Variants in PDE1A observed in about 807,000 individuals in gnomAD.
PDE1A encodes phosphodiesterase 1A.
Under a neutral mutation model 61.7 loss-of-function variants are expected in PDE1A, and 35 were observed. The ratio of observed to expected loss-of-function variants is 0.57; its 90% CI spans 0.43 to 0.75. The LOEUF is 0.75. Among genes scored for constraint, PDE1A ranks in the 30% least tolerant of loss-of-function variants. PDE1A has a pLI of 0.00. For synonymous variants in PDE1A, 232 were observed against 213.2 expected, an observed-to-expected ratio of 1.09 and a Z score of -0.77; for missense variants, 597 against 630.6, an observed-to-expected ratio of 0.95 and a Z score of 0.57.
chr2:182,274,483 G>A (rs2125827971), intron 1 of PDE1A, among the ~76,000 whole-genome samples: 2 of 152,160 alleles, frequency 1.3e-5, no homozygotes, highest in Non-Finnish European at 1.5e-5. Context: ...AAGTCCTTCT[G>A]TTACTCTTGA....
chr2:182,226,451 G>A lies in PDE1A; in HGVS notation c.676-2487C>T, dbSNP rs372376090. ...TCCACTACAAACTAATATAGGAAGAGAGGAAACACTGAACTTTCACACTTA... is the reference window on the plus strand; with the variant it reads ...TCCACTACAAACTAATATAGGAAGAAAGGAAACACTGAACTTTCACACTTA... On this transcript the variant is annotated intron_variant, in intron 6 of 13. Coordinates refer to ENST00000351439, the Ensembl canonical transcript of PDE1A. Among the ~76,000 whole-genome samples the A allele has an allele frequency of 1.2e-3, 186 of 149,920 alleles. 3 individuals carry two copies. The highest frequency in any genetic ancestry group is 6.6e-3 in the South Asian group (32 of 4,830).
chr2:182,539,959 T>C, the PDE1A span, among the ~76,000 whole-genome samples: 3 of 152,218 alleles, frequency 2.0e-5, no homozygotes, highest in Non-Finnish European at 4.4e-5. Flanking sequence ...GAAAGCTTTT[T>C]ATTGTAGCAT....
chr2:182,638,756 G>A, the PDE1A span, among the ~76,000 whole-genome samples: 1 of 152,154 alleles, frequency 6.6e-6, no homozygotes, highest in Non-Finnish European at 1.5e-5. Flanking sequence ...AAAAAGAAAA[G>A]TAAATGACAA....
At chr2:182,274,862 T>C (rs1158166391) in intron 1 of PDE1A, among the ~76,000 whole-genome samples, 2 of 152,140 alleles carry the variant, frequency 1.3e-5, no homozygotes, top group Non-Finnish European at 2.9e-5. Context: ...AATTCTTTCT[T>C]TATGATATCT....
At chr2:182,569,061 T>C in the PDE1A span, among the ~76,000 whole-genome samples, 5 of 151,844 alleles carry the variant, frequency 3.3e-5, no homozygotes, top group African/African-American at 9.7e-5. Flanking sequence ...AAAACCAGCC[T>C]GGGCAACATG....
intron 2 of PDE1A, among the ~76,000 whole-genome samples, chr2:182,262,406 C>T (rs1038886654): frequency 2.0e-5 from 3 of 152,078 alleles, no homozygotes; most frequent in African/African-American, 7.2e-5. Flanking sequence ...GCTGGGACTA[C>T]AGACACACGC....
At chr2:182,577,728 T>C in the PDE1A span, among the ~76,000 whole-genome samples, 2 of 152,166 alleles carry the variant, frequency 1.3e-5, no homozygotes, top group African/African-American at 4.8e-5. Flanking sequence ...AAGAGCAGCC[T>C]GGCCAACATA....
At chr2:182,570,668 A>G in the PDE1A span, among the ~76,000 whole-genome samples, 9 of 152,170 alleles carry the variant, frequency 5.9e-5, no homozygotes, top group African/African-American at 2.2e-4. Context: ...CAATATGATC[A>G]TTTTCTTATT....
chr2:182,378,949 A>G lies in PDE1A; in HGVS notation c.53+47629T>C, dbSNP rs567540413. ...TCAAAACTAGATAGTCCTAATCTAA[A>G]CATAGCATTTGTTCAGACTCTCAGC... On this transcript the variant is annotated intron_variant, in intron 1 of 13. Transcript: ENST00000351439. Among the ~76,000 whole-genome samples, 12 of 152,350 alleles carry G rather than the reference A, an allele frequency of 7.9e-5. No individual in the cohort carries two copies. In the East Asian group the frequency reaches 2.3e-3, roughly 29 times the overall value.
chr2:182,688,884 C>A, the PDE1A span, among the ~76,000 whole-genome samples: 4 of 152,086 alleles, frequency 2.6e-5, no homozygotes. Flanking sequence ...CAATCCTAGT[C>A]TCTAACAAAA....
chr2:182,626,886 CAT>C, the PDE1A span, among the ~76,000 whole-genome samples: 22 of 44,734 alleles, frequency 4.9e-4, no homozygotes, highest in African/African-American at 1.8e-3. Context: ...TATATATACA[CAT>C]ATATATATAC....
At chr2:182,144,505 T>C (rs1315488407), downstream of PDE1A, among the ~76,000 whole-genome samples, 1 of 152,230 alleles carries the variant, frequency 6.6e-6, no homozygotes, top group Non-Finnish European at 1.5e-5. Context: ...TTCTTTCTTG[T>C]CCTAAGTGTA....
the PDE1A span, among the ~76,000 whole-genome samples, chr2:182,710,949 C>T: frequency 6.6e-6 from 1 of 152,190 alleles, no homozygotes; most frequent in Admixed American, 6.5e-5. Context: ...TCTTTTGTTG[C>T]TCTCCTCCAA....
intron 13 of PDE1A, among the ~76,000 whole-genome samples, chr2:182,155,490 T>C (rs1348528825): frequency 6.6e-6 from 1 of 152,248 alleles, no homozygotes; most frequent in Non-Finnish European, 1.5e-5. Context: ...ACTAGATATA[T>C]ACATGTAGGA....
In PDE1A at chr2:182,471,715, AGAAAGTCAATG is replaced by A. The variant is rs563839639; in HGVS notation, c.101+50550_101+50560del. ...TCCAACTCTTCAGTGAATGTCAACA[AGAAAGTCAATG>A]GTTCAGCAATACGGTGGCTAAAAGA... On this transcript the variant is annotated intron_variant, in intron 2 of 14. Coordinates refer to the PDE1A transcript ENST00000410103. Among the ~76,000 whole-genome samples, 194 of 151,936 alleles carry A rather than the reference AGAAAGTCAATG, an allele frequency of 1.3e-3. 1 individual carries two copies. The highest frequency in any genetic ancestry group is 4.6e-3 in the African/African-American group (189 of 41,526).
the PDE1A span, among the ~76,000 whole-genome samples, chr2:182,562,707 C>A: frequency 6.6e-6 from 1 of 151,912 alleles, no homozygotes; most frequent in African/African-American, 2.4e-5. Flanking sequence ...GGTTGGTAAG[C>A]TATTGATTAT....
intron 2 of PDE1A, among the ~76,000 whole-genome samples, chr2:182,472,897 C>G (rs1198670887): frequency 6.6e-6 from 1 of 151,400 alleles, no homozygotes; most frequent in Non-Finnish European, 1.5e-5. Context: ...TAAATCCTAC[C>G]TTTAGTATCC....
chr2:182,244,288 T>G (rs1002867924), intron 2 of PDE1A, among the ~76,000 whole-genome samples: 4 of 152,228 alleles, frequency 2.6e-5, no homozygotes, highest in Non-Finnish European at 5.9e-5. Context: ...AGTTTCCATA[T>G]CTATCATTTT....
chr2:182,225,166 G>A (rs1338493796), intron 6 of PDE1A, among the ~76,000 whole-genome samples: 5 of 151,828 alleles, frequency 3.3e-5, no homozygotes, highest in African/African-American at 1.2e-4. Flanking sequence ...GGAGACAGAA[G>A]AATTTCAAAT....
Sources: allele counts gnomAD v4.1 joint callset (sites outside exome capture counted in the v4.1 genomes callset), GRCh38; gene constraint gnomAD v4.1.1; transcripts MANE v1.5; gene names NCBI Gene and HGNC (gene_info 2026-07-23, HGNC 2026-07-21).